CSK: variants seen among roughly 807,000 people sequenced by gnomAD.
CSK encodes tyrosine-protein kinase CSK.
In CSK, 7 loss-of-function variants were observed where a neutral mutation model predicts 62.3. The observed-to-expected ratio is 0.11, with a 90% CI of 0.06 to 0.21. The LOEUF is 0.21. Among genes scored for constraint, CSK ranks in the 10% least tolerant of loss-of-function variants. The pLI, the probability that CSK is intolerant of heterozygous loss-of-function variation, is 1.00. For synonymous variants in CSK, 237 were observed against 246.0 expected (o/e 0.96, Z 0.34); for missense variants, 294 against 613.5 (o/e 0.48, Z 5.50).
chr15:74,794,015 A>G (rs1233955612), intron 1 of CSK, among the ~76,000 whole-genome samples: 1 of 152,122 alleles, frequency 6.6e-6, no homozygotes. Context: ...CAAATTGTTC[A>G]ACCAGTTGAG....
At position 74,801,110 on chromosome 15, in the gene CSK, C is replaced by T. The variant is rs368354202; in HGVS notation, c.813+8C>T. 2.5e-6 allele frequency: 4 copies of T among 1,612,898 alleles called. No homozygotes were observed. In the African/African-American group the frequency reaches 4.0e-5, roughly 16 times the overall value. On this transcript the variant is annotated splice_region_variant and intron_variant, in intron 9 of 12. Transcript: ENST00000220003. ...ACTGAGTACATGGCCAAGGTGGGCA[C>T]CTGCCGAGACCCGGCACTCAGGCCT...
rs1189730907 is a variant in CSK at position 74,782,478 on chromosome 15, T to TC, written c.-302dup. On this transcript the variant is annotated 5_prime_UTR_variant, in exon 1 of 13. Coordinates refer to ENST00000220003, the MANE Select transcript of CSK (RefSeq NM_004383.3). The surrounding 1 kb of genome is among the most constrained non-coding windows in gnomAD (Gnocchi z 5.7). ...GGGCCGCGCCGGCTACATTGTTTCC[T>TC]CCCCCCGACTCCCTCCCGCCCCCTT... The TC allele has an allele frequency of 2.0e-5, 3 of 149,432 alleles. No individual in the cohort carries two copies. The highest frequency in any genetic ancestry group is 7.4e-5 in the African/African-American group (3 of 40,408). 9.3% of individuals were successfully genotyped at this position (149,432 alleles called of 1,614,324 possible).
chr15:74,790,477 C>T (rs1243336512), intron 1 of CSK, among the ~76,000 whole-genome samples: 4 of 152,234 alleles, frequency 2.6e-5, no homozygotes, highest in African/African-American at 7.2e-5. Context: ...GCTGCAGCCA[C>T]TGACCTCAGC....
Position 74,798,240 on chromosome 15 carries a change from G to A in CSK, c.-58G>A, listed in dbSNP as rs1236992587. On this transcript the variant is annotated 5_prime_UTR_variant, in exon 2 of 13. The change abolishes an upstream ATG in the 5' untranslated region. Coordinates refer to ENST00000220003, the MANE Select transcript of CSK (RefSeq NM_004383.3). This position sits in a 1 kb window ranked among gnomAD's most constrained non-coding sequence, Gnocchi z 6.6. Reference sequence around the variant, plus strand: ...TCATGCTCTTCCCCACAGCTCTAATGGTACCAAGTGACAGGTTGGCTTTAC... The same window carrying A: ...TCATGCTCTTCCCCACAGCTCTAATAGTACCAAGTGACAGGTTGGCTTTAC... 2 of 1,531,880 alleles carry A rather than the reference G, an allele frequency of 1.3e-6. No homozygotes were observed. Among genetic ancestry groups the A allele is most frequent in the South Asian group, 1.3e-5 (1 of 77,010 alleles). 94.9% of individuals were successfully genotyped at this position (1,531,880 alleles called of 1,614,324 possible).
chr15:74,798,319 C>T lies in CSK; in HGVS notation c.15+7C>T. On this transcript the variant is annotated splice_region_variant and intron_variant, in intron 2 of 12. Coordinates refer to ENST00000220003, the MANE Select transcript of CSK (RefSeq NM_004383.3). The surrounding 1 kb of genome is among the most constrained non-coding windows in gnomAD (Gnocchi z 6.6). ...GAAGATGTCAGCAATACAGGTACCA[C>T]AGGGGTGAGGGTCTGGGACATGCAA... The T allele has an allele frequency of 1.3e-6, 2 of 1,586,226 alleles. No individual in the cohort carries two copies. Among genetic ancestry groups the T allele is most frequent in the African/African-American group, 1.3e-5 (1 of 74,526 alleles).
At position 74,802,534 on chromosome 15, in the gene CSK, C is replaced by A. The variant is rs1340453164; in HGVS notation, c.*21C>A. The A allele has an allele frequency of 2.5e-6, 4 of 1,610,586 alleles. No individual in the cohort carries two copies. The African/African-American group carries it at 4.0e-5, about 16-fold the overall frequency. On this transcript the variant is annotated 3_prime_UTR_variant, in exon 13 of 13. Coordinates refer to ENST00000220003, the MANE Select transcript of CSK (RefSeq NM_004383.3). ...TGTGACGGCTGGCCTCCGCCTGGGT[C>A]ATGGGCCTGTGGGGACTGAACCTGG... is the stretch of plus-strand genomic sequence containing the variant.
At chr15:74,799,890 C>T (rs2063762378) in intron 5 of CSK, among the ~76,000 whole-genome samples, 1 of 152,222 alleles carries the variant, frequency 6.6e-6, no homozygotes, top group Non-Finnish European at 1.5e-5. Flanking sequence ...GAGCCATGCG[C>T]CTTGATCGCC....
intron 5 of CSK, among the ~76,000 whole-genome samples, chr15:74,799,960 GGCCAGCTCT>G (rs1297243687): frequency 6.6e-6 from 1 of 152,152 alleles, no homozygotes; most frequent in Admixed American, 6.5e-5. Context: ...CAGCTTCCCA[GGCCAGCTCT>G]GCCAGCCCTG....
Position 74,787,775 on chromosome 15 carries a change from G to A in CSK, c.-66+5055G>A, listed in dbSNP as rs575353716. On this transcript the variant is annotated intron_variant, in intron 1 of 12. Transcript: ENST00000220003. ...TGATCATGGCATGGTTGTAAGCCTC[G>A]TGGGCAGGCGAAAACCTGGGCATCA... Among the ~76,000 whole-genome samples the A allele has an allele frequency of 2.2e-3, 329 of 152,184 alleles. 1 individual carries two copies. Among genetic ancestry groups the A allele is most frequent in the Non-Finnish European group, 4.1e-3 (276 of 67,990 alleles).
At chr15:74,786,165 G>C (rs1384130320) in intron 1 of CSK, among the ~76,000 whole-genome samples, 1 of 151,684 alleles carries the variant, frequency 6.6e-6, no homozygotes, top group Middle Eastern at 3.2e-3. Flanking sequence ...GGGATTAGAG[G>C]CATGTGCCAT....
rs34177407 is a variant in CSK at position 74,789,815 on chromosome 15, A to G, written c.-66+7095A>G. On this transcript the variant is annotated intron_variant, in intron 1 of 12. Transcript: ENST00000220003. Reference sequence around the variant, plus strand: ...CTTCCCGGGTGGCCCCTGTCTCACAATCTATTGAGGCACTGAACATACCAG... The same window carrying G: ...CTTCCCGGGTGGCCCCTGTCTCACAGTCTATTGAGGCACTGAACATACCAG... 4.5e-3 allele frequency among the ~76,000 whole-genome samples: 680 copies of G among 152,180 alleles called. 5 individuals carry two copies. Among genetic ancestry groups the G allele is most frequent in the African/African-American group, 0.016 (647 of 41,510 alleles).
Position 74,802,048 on chromosome 15 carries a change from A to C in CSK, c.1135A>C (p.Ile379Leu). The C allele has an allele frequency of 6.2e-7, 1 of 1,614,118 alleles. No homozygotes were observed. The highest frequency in any genetic ancestry group is 8.5e-7 in the Non-Finnish European group (1 of 1,180,020). ...GAGTTTCGGAATCCTTCTCTGGGAA[A>C]TCTACTCCTTTGGGCGAGTGCCTTA... ...VWSFGILLWEIYSFGRVPYPR... is the reference protein window; with the variant it reads ...VWSFGILLWELYSFGRVPYPR... The change falls in exon 12 of 13, where the codon ATC becomes CTC. Residue 379 changes from isoleucine (I) to leucine (L), a missense_variant. By Grantham distance (5) the Ile-to-Leu change is conservative. Transcript: ENST00000220003.
rs192519206 is a variant in CSK, at chr15:74,797,989, A to G, written c.-65-244A>G. The G allele has an allele frequency of 2.1e-4, 63 of 302,586 alleles. 1 individual carries two copies. The highest frequency in any genetic ancestry group is 8.8e-4 in the Admixed American group (19 of 21,524). 18.7% of individuals were successfully genotyped at this position (302,586 alleles called of 1,614,324 possible). On this transcript the variant is annotated intron_variant, in intron 1 of 12. Coordinates refer to ENST00000220003, the MANE Select transcript of CSK (RefSeq NM_004383.3). ...CCACTAGCCCCCTTTGCTCCTTTCT[A>G]TCAGTCCTGGAAGGCCCCCTGTGGC...
intron 1 of CSK, among the ~76,000 whole-genome samples, chr15:74,792,826 A>AG: frequency 6.6e-6 from 1 of 152,340 alleles, no homozygotes; most frequent in East Asian, 1.9e-4. Flanking sequence ...GGCTACTGGG[A>AG]GCCGGGTTTG....
rs2063800924 is a variant in CSK, at chr15:74,802,082, T to C, written c.1169T>C (p.Ile390Thr). 6.2e-7 allele frequency: 1 copy of C among 1,613,614 alleles called. No homozygotes were observed. Among genetic ancestry groups the C allele is most frequent in the African/African-American group, 1.3e-5 (1 of 74,904 alleles). ...YSFGRVPYPR[I>T]PLKDVVPRVE... ...TTTGGGCGAGTGCCTTATCCAAGAATTGTGAGTATGGGTACTGGGATCAGG... is the reference window on the plus strand; with the variant it reads ...TTTGGGCGAGTGCCTTATCCAAGAACTGTGAGTATGGGTACTGGGATCAGG... Residue 390 changes from isoleucine to threonine, a missense_variant and splice_region_variant, in exon 12 of 13, where the codon ATT (isoleucine) becomes ACT (threonine). This residue lies in a region of CSK where 66 missense variants were observed against 99.3 expected (regional missense o/e 0.66). Transcript: ENST00000220003.
At position 74,802,527 on chromosome 15, in the gene CSK, C is replaced by T. The variant is rs768624859; in HGVS notation, c.*14C>T. ...CTGCACCTGTGACGGCTGGCCTCCGCCTGGGTCATGGGCCTGTGGGGACTG... is the reference window on the plus strand; with the variant it reads ...CTGCACCTGTGACGGCTGGCCTCCGTCTGGGTCATGGGCCTGTGGGGACTG... On this transcript the variant is annotated 3_prime_UTR_variant, in exon 13 of 13. Coordinates refer to ENST00000220003, the MANE Select transcript of CSK (RefSeq NM_004383.3). The T allele has an allele frequency of 6.2e-7, 1 of 1,611,458 alleles. No individual in the cohort carries two copies.
At chr15:74,786,045 G>GTGT (rs1225443706) in intron 1 of CSK, among the ~76,000 whole-genome samples, 1 of 125,458 alleles carries the variant, frequency 8.0e-6, no homozygotes, top group African/African-American at 2.9e-5. Context: ...GTGTGTGTGA[G>GTGT]ATGGAGTTTT....
rs2063755187 is a variant in CSK at position 74,799,430 on chromosome 15, A to G, written c.401A>G (p.His134Arg). The change falls in exon 5 of 13, where the codon CAT becomes CGT. Residue 134 changes from histidine (H) to arginine (R), a missense_variant. Physicochemically the swap from His to Arg is conservative, Grantham distance 29 (BLOSUM62 0). Coordinates refer to ENST00000220003, the MANE Select transcript of CSK (RefSeq NM_004383.3). ...GKVEHYRIMYHASKLSIDEEV... is the reference protein window; with the variant it reads ...GKVEHYRIMYRASKLSIDEEV... ...GTGGAGCACTACCGCATCATGTACC[A>G]TGCCAGCAAGCTCAGCATCGACGAG... 6.2e-7 allele frequency: 1 copy of G among 1,613,498 alleles called. No individual in the cohort carries two copies. The highest frequency in any genetic ancestry group is 1.7e-5 in the Admixed American group (1 of 60,004).
Position 74,798,742 on chromosome 15 carries a change from G to T in CSK, c.129+14G>T. ...GCCGTCACCAAGGTAATCAGGTGACGCCCACCCCACCATCCCACTGCTGGG... is the reference window on the plus strand; with the variant it reads ...GCCGTCACCAAGGTAATCAGGTGACTCCCACCCCACCATCCCACTGCTGGG... On this transcript the variant is annotated intron_variant, in intron 3 of 12. Transcript: ENST00000220003. The surrounding 1 kb of genome is among the most constrained non-coding windows in gnomAD (Gnocchi z 6.6). 1 of 1,611,726 alleles carries T rather than the reference G, an allele frequency of 6.2e-7. No homozygotes were observed. The highest frequency in any genetic ancestry group is 1.1e-5 in the South Asian group (1 of 90,954).
Sources: gnomAD v4.1 joint callset for allele counts (sites outside exome capture counted in the v4.1 genomes callset) on GRCh38, gnomAD v4.1.1 for gene constraint, gnomAD v4.1.1 regional missense constraint, Gnocchi (gnomAD v3.1) non-coding constraint, MANE v1.5 for transcripts, NCBI Gene and HGNC (gene_info 2026-07-23, HGNC 2026-07-21) for gene names.